Variants in LRRIQ1 observed in about 807,000 individuals in gnomAD.
LRRIQ1 encodes leucine rich repeats and IQ motif containing 1, also known as leucine-rich repeat- and IQ domain-containing protein 1.
In LRRIQ1, 210 loss-of-function variants were observed where a neutral mutation model predicts 211.9. The observed-to-expected ratio is 0.99, with a 90% CI of 0.89 to 1.11. The LOEUF (loss-of-function observed/expected upper bound fraction) is 1.11. LRRIQ1 is among the 50% of genes most tolerant of loss of function. The pLI, the probability that LRRIQ1 is intolerant of heterozygous loss-of-function variation, is 0.00. For missense variants in LRRIQ1, 2,136 were observed against 1,939.5 expected (o/e 1.10, Z -1.90); for synonymous variants, 699 against 650.1 (o/e 1.08, Z -1.14).
At chr12:85,201,718 AATGTTTTC>A (rs1174657947) in intron 24 of LRRIQ1, among the ~76,000 whole-genome samples, 1 of 151,270 alleles carries the variant, frequency 6.6e-6, no homozygotes, top group Non-Finnish European at 1.5e-5. Flanking sequence ...CTTTCCTATT[AATGTTTTC>A]ATAAAATGAC....
intron 21 of LRRIQ1, 132 bp from the exon 22 acceptor site, chr12:85,153,531 C>T: frequency 3.1e-6 from 2 of 651,648 alleles, no homozygotes; most frequent in Middle Eastern, 4.2e-4. Flanking sequence ...CTTTTATTGC[C>T]TTTCAAGATA....
At position 85,157,758 on chromosome 12, in the gene LRRIQ1, C is replaced by T. The variant is rs375353400; in HGVS notation, c.4721-2855C>T. 2.0e-5 allele frequency among the ~76,000 whole-genome samples: 3 copies of T among 151,764 alleles called. No homozygotes were observed. In the South Asian group the frequency reaches 6.2e-4, roughly 32 times the overall value. On this transcript the variant is annotated intron_variant, in intron 23 of 26. Coordinates refer to ENST00000393217, the MANE Select transcript of LRRIQ1 (RefSeq NM_001079910.2). The stretch of plus-strand genomic sequence containing the variant: ...GATGTGGAGCACTCCTCAGAGTGCT[C>T]AGAGAGAATGGGGTCTGAGTATAGG...
rs113886237 is a variant in LRRIQ1 at position 85,135,677 on chromosome 12, C to T, written c.4210-2173C>T. On this transcript the variant is annotated intron_variant, in intron 18 of 26. Transcript: ENST00000393217. ...CCAAAATGGGTACTATGATAATAAA[C>T]ACAGATTTTAAATATATGTGTTTGA... Among the ~76,000 whole-genome samples the T allele has an allele frequency of 3.8e-3, 317 of 82,568 alleles. 4 individuals carry two copies. The highest frequency in any genetic ancestry group is 0.014 in the African/African-American group (301 of 21,696). 54.2% of individuals were successfully genotyped at this position (82,568 alleles called of 152,430 possible).
chr12:85,057,185 G>T lies in LRRIQ1; in HGVS notation c.2391+1G>T, dbSNP rs1259505139. 6 of 1,385,236 alleles carry T rather than the reference G, an allele frequency of 4.3e-6. No homozygotes were observed. Among genetic ancestry groups the T allele is most frequent in the Non-Finnish European group, 4.8e-6 (5 of 1,049,714 alleles). The allele number at this position is 1,385,236 out of a possible 1,614,324, so 85.8% of individuals were successfully genotyped here. A position where few individuals can be genotyped will look rare whatever the true frequency, so the allele number is the denominator to read the frequency against. On this transcript the variant is annotated splice_donor_variant, in intron 8 of 26. Transcript: ENST00000393217. LOFTEE classifies it high-confidence loss of function. ...TGGCCCTTGGGATACTTTACAGCAG[G>T]TATTTCTAATTTTATAATAATTTTT...
At chr12:85,105,356 T>A (rs958080944) in intron 14 of LRRIQ1, among the ~76,000 whole-genome samples, 4 of 152,272 alleles carry the variant, frequency 2.6e-5, no homozygotes, top group South Asian at 2.1e-4. Context: ...CCTCTCAAAT[T>A]AATTTTTATG....
At chr12:85,112,848 CA>C (rs1263931011) in intron 15 of LRRIQ1, among the ~76,000 whole-genome samples, 2 of 152,092 alleles carry the variant, frequency 1.3e-5, no homozygotes, top group Non-Finnish European at 2.9e-5. Context: ...ATCTTTAGGG[CA>C]CAAAATCCCT....
At chr12:85,262,696 G>C (rs1896332612) in intron 1 of LRRIQ1, among the ~76,000 whole-genome samples, 2 of 151,914 alleles carry the variant, frequency 1.3e-5, no homozygotes, top group Non-Finnish European at 2.9e-5. Context: ...AATATTTTTA[G>C]TACCCTCCCT....
intron 23 of LRRIQ1, chr12:85,159,488 T>C (rs1292228969): frequency 6.6e-6 from 1 of 152,038 alleles, no homozygotes; most frequent in African/African-American, 2.4e-5. Flanking sequence ...ACAGTACTAC[T>C]AGTACTTCAA....
chr12:85,118,499 G>GTTTTTT (rs71445022), intron 15 of LRRIQ1, among the ~76,000 whole-genome samples: 1 of 127,860 alleles, frequency 7.8e-6, no homozygotes. Context: ...GAAAAACTAT[G>GTTTTTT]TTTTTTTTTT....
At chr12:85,176,710 T>C (rs559474712) in intron 24 of LRRIQ1, among the ~76,000 whole-genome samples, 48 of 150,812 alleles carry the variant, frequency 3.2e-4, no homozygotes, top group Admixed American at 2.6e-3. Context: ...ACCTGCACAA[T>C]GTGCACATGT....
At chr12:85,245,883 A>T (rs1030772695), downstream of LRRIQ1, among the ~76,000 whole-genome samples, 1 of 150,892 alleles carries the variant, frequency 6.6e-6, no homozygotes, top group Admixed American at 6.7e-5. Context: ...ATATACATAT[A>T]TATATAGAGA....
chr12:85,160,545 T>A, intron 23 of LRRIQ1, 68 bp from the exon 24 acceptor site: 1 of 900,966 alleles, frequency 1.1e-6, no homozygotes, highest in Non-Finnish European at 1.7e-6. Flanking sequence ...ATATAAGAAA[T>A]ATGTGGACAT....
chr12:85,205,446 T>C (rs1893494779), intron 24 of LRRIQ1, among the ~76,000 whole-genome samples: 1 of 152,214 alleles, frequency 6.6e-6, no homozygotes. Flanking sequence ...TTCTGGCTTG[T>C]AGGGTTTCTC....
At chr12:85,253,868 C>T (rs2137310364) in intron 1 of LRRIQ1, among the ~76,000 whole-genome samples, 1 of 152,092 alleles carries the variant, frequency 6.6e-6, no homozygotes, top group Admixed American at 6.6e-5. Context: ...TCCAAGCTTT[C>T]TGCCTTCTAT....
chr12:85,226,006 C>T (rs1023377414), intron 24 of LRRIQ1, among the ~76,000 whole-genome samples: 1 of 152,134 alleles, frequency 6.6e-6, no homozygotes, highest in African/African-American at 2.4e-5. Context: ...TTACACTGAG[C>T]TCATGCCAAT....
rs1463760628 is a variant in LRRIQ1, at chr12:85,217,553, T to C, written c.4823-11964T>C. On this transcript the variant is annotated intron_variant, in intron 24 of 26. Coordinates refer to ENST00000393217, the MANE Select transcript of LRRIQ1 (RefSeq NM_001079910.2). ...GTGTGTGTGTGTGTGTGTGTGTGTA[T>C]ATAGGTATATATATGTGTGTATACA... Among the ~76,000 whole-genome samples, 3 of 108,690 alleles carry C rather than the reference T, an allele frequency of 2.8e-5. No individual in the cohort carries two copies. The South Asian group carries it at 7.8e-4, about 28-fold the overall frequency. 71.3% of individuals were successfully genotyped at this position (108,690 alleles called of 152,430 possible).
chr12:85,199,441 C>G (rs1283225968), intron 24 of LRRIQ1, among the ~76,000 whole-genome samples: 1 of 152,014 alleles, frequency 6.6e-6, no homozygotes, highest in Non-Finnish European at 1.5e-5. Context: ...TATTTCTGGT[C>G]TCTCTATTTG....
rs1480314359 is a variant in LRRIQ1 at position 85,056,710 on chromosome 12, C to CA, written c.1920dup (p.Glu641ArgfsTer3). On this transcript the variant is annotated frameshift_variant, in exon 8 of 27. Coordinates refer to ENST00000393217, the MANE Select transcript of LRRIQ1 (RefSeq NM_001079910.2). LOFTEE classifies it high-confidence loss of function. Reference sequence around the variant, plus strand: ...AAGAAAAAGAAATTTATTCAAAATCCAAAGAAATTGAGGAGAACCCAAAAG... The same window carrying CA: ...AAGAAAAAGAAATTTATTCAAAATCCAAAAGAAATTGAGGAGAACCCAAAAG... The CA allele has an allele frequency of 1.9e-6, 3 of 1,606,346 alleles. No homozygotes were observed. The highest frequency in any genetic ancestry group is 1.7e-6 in the Non-Finnish European group (2 of 1,177,786).
chr12:85,218,647 C>G (rs1229783294), intron 24 of LRRIQ1, among the ~76,000 whole-genome samples: 5 of 151,976 alleles, frequency 3.3e-5, no homozygotes, highest in Non-Finnish European at 5.9e-5. Flanking sequence ...TTAATTTATT[C>G]TCTAATGAAT....
Sources: allele counts gnomAD v4.1 joint callset (sites outside exome capture counted in the v4.1 genomes callset), GRCh38; gene constraint gnomAD v4.1.1; transcripts MANE v1.5; gene names NCBI Gene and HGNC (gene_info 2026-07-23, HGNC 2026-07-21).